Variants in SREK1IP1 observed in about 807,000 individuals in gnomAD.
The protein encoded by SREK1IP1 is SREK1 interacting protein 1, also known as protein SREK1IP1.
SREK1IP1 carries 12 observed loss-of-function variants against 22.8 expected under a neutral mutation model. That is an observed-to-expected ratio of 0.53 (90% confidence interval 0.34 to 0.85). The LOEUF (loss-of-function observed/expected upper bound fraction) is 0.85, where lower values mean the gene tolerates loss of function less well. SREK1IP1 is among the 40% of genes least tolerant of loss of function. The pLI is 0.02. For synonymous variants in SREK1IP1, 53 were observed against 52.7 expected, an observed-to-expected ratio of 1.01 and a Z score of -0.02; for missense variants, 147 against 171.8, an observed-to-expected ratio of 0.86 and a Z score of 0.81.
chr5:64,737,441 G>A (rs1193882099), intron 3 of SREK1IP1, among the ~76,000 whole-genome samples: 1 of 150,062 alleles, frequency 6.7e-6, no homozygotes, highest in Non-Finnish European at 1.5e-5. Context: ...AGTACTAAAA[G>A]GGAAATTTAT....
At chr5:64,737,483 G>A (rs1253941649) in intron 3 of SREK1IP1, among the ~76,000 whole-genome samples, 1 of 141,344 alleles carries the variant, frequency 7.1e-6, no homozygotes, top group Non-Finnish European at 1.5e-5. Context: ...AAAGAAGAGG[G>A]CCAAGTGAAG....
rs1004519250 is a variant in SREK1IP1, at chr5:64,720,307, G to A, written c.*4077C>T. 3.3e-5 allele frequency: 5 copies of A among 151,892 alleles called. No individual in the cohort carries two copies. Among genetic ancestry groups the A allele is most frequent in the Non-Finnish European group, 5.9e-5 (4 of 68,006 alleles). 9.4% of individuals were successfully genotyped at this position (151,892 alleles called of 1,614,324 possible). A position where few individuals can be genotyped will look rare whatever the true frequency, so the allele number is the denominator to read the frequency against. On this transcript the variant is annotated 3_prime_UTR_variant, in exon 5 of 5. Transcript: ENST00000513458. ...ACAGTAGCTTTATGTGTTTTTAGAT[G>A]ATTTAGGTTACTGTGTAATTTTTGG... is the stretch of plus-strand genomic sequence containing the variant.
At chr5:64,741,034 G>A (rs201896862) in intron 3 of SREK1IP1, 23 bp downstream of exon 3, 2 of 1,598,570 alleles carry the variant, frequency 1.3e-6, no homozygotes, top group Non-Finnish European at 1.7e-6. Context: ...CATTTCTAAA[G>A]AATGGAAAAA....
Position 64,720,024 on chromosome 5 carries a change from C to G in SREK1IP1, c.*4360G>C, listed in dbSNP as rs1369610923. 6.6e-6 allele frequency: 1 copy of G among 152,186 alleles called. No homozygotes were observed. Among genetic ancestry groups the G allele is most frequent in the Non-Finnish European group, 1.5e-5 (1 of 68,034 alleles). The allele number at this position is 152,186 out of a possible 1,614,324, so 9.4% of individuals were successfully genotyped here. ...CCACAGGGCTCATCCAGTGGACCAA[C>G]TGGTATGTTTCTCTGTAACTCTGAA... On this transcript the variant is annotated 3_prime_UTR_variant, in exon 5 of 5. Coordinates refer to ENST00000513458, the MANE Select transcript of SREK1IP1 (RefSeq NM_173829.4).
chr5:64,736,210 T>TA (rs59695917), intron 3 of SREK1IP1, among the ~76,000 whole-genome samples: 14 of 150,032 alleles, frequency 9.3e-5, no homozygotes, highest in East Asian at 1.9e-4. Flanking sequence ...TAGGTACACT[T>TA]AAAAAAAAAA....
At position 64,749,059 on chromosome 5, in the gene SREK1IP1, C is replaced by CATCATA. The variant is rs1554065277; in HGVS notation, c.61+5255_61+5256insTATGAT. On this transcript the variant is annotated intron_variant, in intron 2 of 4. Coordinates refer to ENST00000513458, the MANE Select transcript of SREK1IP1 (RefSeq NM_173829.4). ...CCTCCTTCCAGGAGTAGCTATGCCA[C>CATCATA]ATAATAATAATAATAATAATAATAA... Among the ~76,000 whole-genome samples, 108 of 131,636 alleles carry CATCATA rather than the reference C, an allele frequency of 8.2e-4. 1 individual carries two copies. The highest frequency in any genetic ancestry group is 2.9e-3 in the African/African-American group (106 of 37,040). The allele number at this position is 131,636 out of a possible 152,430, so 86.4% of individuals were successfully genotyped here.
intron 4 of SREK1IP1, chr5:64,727,553 A>ATATATATATATATTTTTTTTTTTT: frequency 7.1e-5 from 6 of 84,676 alleles, no homozygotes; most frequent in African/African-American, 3.3e-4. Context: ...ATATATATAT[A>ATATATATATATATTTTTTTTTTTT]TTTTTTTTTT....
chr5:64,761,293 A>G (rs561555310), intron 1 of SREK1IP1, among the ~76,000 whole-genome samples: 1 of 152,280 alleles, frequency 6.6e-6, no homozygotes, highest in South Asian at 2.1e-4. Context: ...CATGATGGAG[A>G]GTTGCTAAGA....
In SREK1IP1 at chr5:64,722,925, G is replaced by A. The variant is rs965620335; in HGVS notation, c.*1459C>T. The A allele has an allele frequency of 6.6e-6, 1 of 152,214 alleles. No individual in the cohort carries two copies. The highest frequency in any genetic ancestry group is 1.5e-5 in the Non-Finnish European group (1 of 68,034). 9.4% of individuals were successfully genotyped at this position (152,214 alleles called of 1,614,324 possible). On this transcript the variant is annotated 3_prime_UTR_variant, in exon 5 of 5. Coordinates refer to ENST00000513458, the MANE Select transcript of SREK1IP1 (RefSeq NM_173829.4). ...AAGAATCAGTAAACCTTTCTAGCCT[G>A]TGAGGTTAAGTATACTTAGCTGATT...
intron 3 of SREK1IP1, among the ~76,000 whole-genome samples, chr5:64,735,063 G>A (rs981831805): frequency 6.6e-6 from 1 of 151,954 alleles, no homozygotes; most frequent in Non-Finnish European, 1.5e-5. Context: ...TTTGTATGAA[G>A]TTAATGAAGT....
At chr5:64,758,018 G>T (rs531836459) in intron 1 of SREK1IP1, among the ~76,000 whole-genome samples, 21 of 149,946 alleles carry the variant, frequency 1.4e-4, no homozygotes, top group Non-Finnish European at 2.7e-4. Context: ...GACTACAGGC[G>T]CCCGCCACCA....
chr5:64,759,386 G>C (rs1027913909), intron 1 of SREK1IP1, among the ~76,000 whole-genome samples: 1 of 152,102 alleles, frequency 6.6e-6, no homozygotes, highest in Admixed American at 6.6e-5. Flanking sequence ...TTGGGCTCCC[G>C]TGCAGTTCTT....
chr5:64,733,104 G>A (rs1006043121), intron 3 of SREK1IP1, among the ~76,000 whole-genome samples: 1 of 151,764 alleles, frequency 6.6e-6, no homozygotes, highest in Non-Finnish European at 1.5e-5. Flanking sequence ...AAAAAAAAGA[G>A]CATTTTTCAG....
At chr5:64,742,542 C>A (rs567397944) in intron 2 of SREK1IP1, among the ~76,000 whole-genome samples, 1 of 152,166 alleles carries the variant, frequency 6.6e-6, no homozygotes, top group Non-Finnish European at 1.5e-5. Context: ...CACTACAAAT[C>A]TATGCTAGGG....
intron 2 of SREK1IP1, among the ~76,000 whole-genome samples, chr5:64,752,882 C>G (rs1171410533): frequency 6.6e-6 from 1 of 152,092 alleles, no homozygotes; most frequent in Non-Finnish European, 1.5e-5. Context: ...GTAAATTTAA[C>G]ACAGAAGGGA....
intron 2 of SREK1IP1, among the ~76,000 whole-genome samples, chr5:64,745,329 G>A (rs1383762578): frequency 6.6e-6 from 1 of 152,148 alleles, no homozygotes; most frequent in Non-Finnish European, 1.5e-5. Flanking sequence ...GGTGGCTCAT[G>A]CCTGTAATAC....
intron 1 of SREK1IP1, among the ~76,000 whole-genome samples, chr5:64,763,524 G>A (rs909944184): frequency 1.3e-5 from 2 of 151,688 alleles, no homozygotes; most frequent in South Asian, 2.1e-4. Flanking sequence ...GCGACAGAGC[G>A]AGACTCCGTC....
At chr5:64,766,915 A>G (rs751811723) in intron 1 of SREK1IP1, among the ~76,000 whole-genome samples, 2 of 152,244 alleles carry the variant, frequency 1.3e-5, no homozygotes, top group African/African-American at 4.8e-5. Flanking sequence ...ATATTAGTCA[A>G]TATTAGCTAC....
At chr5:64,753,782 G>C (rs1742788176) in intron 2 of SREK1IP1, among the ~76,000 whole-genome samples, 1 of 152,158 alleles carries the variant, frequency 6.6e-6, no homozygotes, top group Admixed American at 6.5e-5. Context: ...TTTACTTACA[G>C]TATAAAATTA....
Sources: allele counts gnomAD v4.1 joint callset (sites outside exome capture counted in the v4.1 genomes callset), GRCh38; gene constraint gnomAD v4.1.1; transcripts MANE v1.5; gene names NCBI Gene and HGNC (gene_info 2026-07-23, HGNC 2026-07-21).